BCAR3: variants seen among roughly 807,000 people sequenced by gnomAD.
BCAR3 encodes the protein BCAR3 adaptor protein, NSP family member.
In BCAR3, 37 loss-of-function variants were observed where a neutral mutation model predicts 80.1. The observed-to-expected ratio is 0.46, with a 90% confidence interval of 0.36 to 0.61. The LOEUF (loss-of-function observed/expected upper bound fraction) is 0.61. BCAR3 is among the 20% of genes least tolerant of loss of function. The pLI, the probability that BCAR3 is intolerant of heterozygous loss-of-function variation, is 0.00. For synonymous variants in BCAR3, 389 were observed against 418.9 expected, an observed-to-expected ratio of 0.93 and a Z score of 0.87; for missense variants, 978 against 1,068.2, an observed-to-expected ratio of 0.92 and a Z score of 1.18.
chr1:93,571,658 T>C lies in BCAR3; in HGVS notation c.1974+12A>G. ...AGAACATTAAGTACACATAAAGTAA[T>C]TGGAAATTTACCTGTGGCATTTCCA... On this transcript the variant is annotated intron_variant, in intron 9 of 11. Coordinates refer to ENST00000260502, the MANE Select transcript of BCAR3 (RefSeq NM_003567.4). 2 of 1,613,706 alleles carry C rather than the reference T, an allele frequency of 1.2e-6. No individual in the cohort carries two copies. The highest frequency in any genetic ancestry group is 1.7e-6 in the Non-Finnish European group (2 of 1,179,618).
intron 2 of BCAR3, among the ~76,000 whole-genome samples, chr1:93,671,812 T>G (rs1648212029): frequency 6.6e-6 from 1 of 152,160 alleles, no homozygotes; most frequent in Admixed American, 6.5e-5. Context: ...ATAATCTTAT[T>G]AAGAATACTT....
intron 2 of BCAR3, among the ~76,000 whole-genome samples, chr1:93,740,729 C>T (rs1453580436): frequency 6.6e-6 from 1 of 152,146 alleles, no homozygotes; most frequent in East Asian, 1.9e-4. Context: ...CCTTTCCCAT[C>T]CTTTTTGTTC....
At chr1:93,708,232 C>G (rs1649891706) in intron 2 of BCAR3, among the ~76,000 whole-genome samples, 1 of 152,212 alleles carries the variant, frequency 6.6e-6, no homozygotes, top group Non-Finnish European at 1.5e-5. Context: ...GCCAACTGCT[C>G]TACTCTGACA....
intron 2 of BCAR3, among the ~76,000 whole-genome samples, chr1:93,807,010 T>G (rs746470805): frequency 2.0e-5 from 3 of 151,594 alleles, no homozygotes; most frequent in Non-Finnish European, 4.4e-5. Flanking sequence ...GGGGCCTAGG[T>G]GGGAAGATTG....
Position 93,725,277 on chromosome 1 carries a change from T to C in BCAR3, c.-62-19135A>G, listed in dbSNP as rs1422100740. On this transcript the variant is annotated intron_variant, in intron 2 of 13. Transcript: ENST00000370244. ...GAATGAATAAATTTCATGTGGGATG[T>C]GGATGCATGATGGTATGTGAAATAT... Among the ~76,000 whole-genome samples, 4 of 152,184 alleles carry C rather than the reference T, an allele frequency of 2.6e-5. No homozygotes were observed. In the East Asian group the frequency reaches 7.7e-4, roughly 29 times the overall value.
intron 1 of BCAR3, among the ~76,000 whole-genome samples, chr1:93,679,424 G>T (rs1648647208): frequency 6.6e-6 from 1 of 152,134 alleles, no homozygotes; most frequent in South Asian, 2.1e-4. Context: ...ACCAAGCCAA[G>T]TAGGACATGG....
chr1:93,643,545 CAAAAAAAAAAAAAAAA>C (rs547667389), intron 2 of BCAR3, among the ~76,000 whole-genome samples: 3 of 22,284 alleles, frequency 1.3e-4, no homozygotes, highest in Admixed American at 8.1e-4. Context: ...GACTCTTTCT[CAAAAAAAAAAAAAAAA>C]AAAAAAAAAA....
At chr1:93,679,374 G>A (rs1338260005) in intron 1 of BCAR3, among the ~76,000 whole-genome samples, 2 of 152,082 alleles carry the variant, frequency 1.3e-5, no homozygotes, top group African/African-American at 2.4e-5. Flanking sequence ...GGAAGGATGG[G>A]GAGGGAAACG....
chr1:93,746,729 A>C (rs929910221), intron 2 of BCAR3, among the ~76,000 whole-genome samples: 2 of 152,132 alleles, frequency 1.3e-5, no homozygotes, highest in Non-Finnish European at 2.9e-5. Flanking sequence ...ATTGTCTTTA[A>C]AGGTGATCCA....
intron 8 of BCAR3, among the ~76,000 whole-genome samples, chr1:93,574,031 T>C (rs976022928): frequency 9.2e-5 from 14 of 152,270 alleles, no homozygotes; most frequent in Non-Finnish European, 1.5e-5. Flanking sequence ...TCACTTCCCA[T>C]GCTGCATTCA....
At chr1:93,568,681 TTA>T (rs1456393575) in intron 9 of BCAR3, among the ~76,000 whole-genome samples, 1 of 152,212 alleles carries the variant, frequency 6.6e-6, no homozygotes, top group Non-Finnish European at 1.5e-5. Flanking sequence ...TACATGCATA[TTA>T]TATACTACAT....
At chr1:93,574,097 G>A (rs1038021379) in intron 8 of BCAR3, among the ~76,000 whole-genome samples, 4 of 152,064 alleles carry the variant, frequency 2.6e-5, no homozygotes, top group Non-Finnish European at 5.9e-5. Context: ...CTCTAGTGTT[G>A]TATAAATGGT....
intron 2 of BCAR3, among the ~76,000 whole-genome samples, chr1:93,711,088 A>C (rs1650004201): frequency 6.6e-6 from 1 of 152,194 alleles, no homozygotes; most frequent in African/African-American, 2.4e-5. Flanking sequence ...AATGATAAGA[A>C]AGAGAGAGAG....
chr1:93,739,953 T>A (rs895699266), intron 2 of BCAR3, among the ~76,000 whole-genome samples: 2 of 151,840 alleles, frequency 1.3e-5, no homozygotes, highest in Non-Finnish European at 2.9e-5. Context: ...GCAGAATTGC[T>A]TGAACCTGGG....
intron 2 of BCAR3, among the ~76,000 whole-genome samples, chr1:93,773,675 A>C (rs1340411732): frequency 1.3e-5 from 2 of 152,186 alleles, no homozygotes; most frequent in African/African-American, 4.8e-5. Context: ...TGGTGCTGGG[A>C]ATCAGCAGTG....
chr1:93,626,043 A>G (rs1675446739), intron 3 of BCAR3, among the ~76,000 whole-genome samples: 1 of 152,168 alleles, frequency 6.6e-6, no homozygotes. Flanking sequence ...GAGAGTTACA[A>G]TTGCTTCTGG....
At chr1:93,579,862 G>A (rs1446223467) in intron 7 of BCAR3, among the ~76,000 whole-genome samples, 1 of 152,250 alleles carries the variant, frequency 6.6e-6, no homozygotes, top group Non-Finnish European at 1.5e-5. Context: ...AGGGCCCAAT[G>A]TGCCTGACTG....
At chr1:93,696,249 A>T (rs1649396572) in intron 3 of BCAR3, among the ~76,000 whole-genome samples, 1 of 152,136 alleles carries the variant, frequency 6.6e-6, no homozygotes, top group African/African-American at 2.4e-5. Flanking sequence ...AATGTTGATT[A>T]TGGGACAGAC....
chr1:93,725,536 A>G (rs1215990034), intron 2 of BCAR3, among the ~76,000 whole-genome samples: 1 of 152,176 alleles, frequency 6.6e-6, no homozygotes, highest in African/African-American at 2.4e-5. Context: ...TATTCTGGAA[A>G]CAAATCCTAT....
Sources: allele counts gnomAD v4.1 joint callset (sites outside exome capture counted in the v4.1 genomes callset), GRCh38; gene constraint gnomAD v4.1.1; transcripts MANE v1.5; gene names NCBI Gene and HGNC (gene_info 2026-07-23, HGNC 2026-07-21).